The following NUP160 variants were observed in gnomAD, a reference collection of about 807,000 sequenced individuals.
NUP160 encodes the protein nuclear pore complex protein Nup160.
A neutral mutation model predicts 196.9 loss-of-function variants in NUP160; 94 were observed. That is an observed-to-expected ratio of 0.48 (90% CI 0.40 to 0.57). NUP160 has a LOEUF of 0.57. Ranked by LOEUF, NUP160 falls within the 20% of genes least tolerant of loss-of-function variation. NUP160 has a pLI of 0.00. For missense variants in NUP160, 1,638 were observed against 1,748.3 expected, an observed-to-expected ratio of 0.94 and a Z score of 1.13; for synonymous variants, 605 against 619.7, an observed-to-expected ratio of 0.98 and a Z score of 0.35.
At chr11:47,801,813 T>C (rs753360810) in exon 23 of NUP160, 1 of 1,613,928 alleles carries the variant, frequency 6.2e-7, no homozygotes, top group Non-Finnish European at 8.5e-7. Flanking sequence ...TGATGTACCT[T>C]GTCATAATAC....
exon 35 of NUP160, chr11:47,780,432 T>C (rs991006975): frequency 1.9e-6 from 3 of 1,612,382 alleles, no homozygotes; most frequent in East Asian, 2.2e-5. Context: ...ATTGGGGCTG[T>C]TGCGGACAGT....
chr11:47,780,873 T>C (rs564146018), intron 34 of NUP160, among the ~76,000 whole-genome samples: 1 of 152,274 alleles, frequency 6.6e-6, no homozygotes, highest in East Asian at 1.9e-4. Context: ...TGTGTATACA[T>C]GTGCATGCAC....
intron 34 of NUP160, among the ~76,000 whole-genome samples, chr11:47,780,959 G>A (rs2097660412): frequency 6.6e-6 from 1 of 151,794 alleles, no homozygotes; most frequent in South Asian, 2.1e-4. Flanking sequence ...AATTCATGTC[G>A]GCTGGGCCTG....
chr11:47,779,144 A>G, exon 36 of NUP160: 1 of 1,613,832 alleles, frequency 6.2e-7, no homozygotes, highest in Non-Finnish European at 8.5e-7. Flanking sequence ...GTGTTGCCTT[A>G]TCAACTTTTT....
chr11:47,782,234 G>GT (rs2097661296), intron 34 of NUP160, among the ~76,000 whole-genome samples: 1 of 146,440 alleles, frequency 6.8e-6, no homozygotes, highest in South Asian at 2.1e-4. Flanking sequence ...CAGTGAGGGA[G>GT]TAAGTGGAGG....
chr11:47,792,469 A>G (rs2097668430), intron 28 of NUP160: 1 of 260,828 alleles, frequency 3.8e-6, no homozygotes, highest in Admixed American at 5.4e-5. Flanking sequence ...ATACCCAAAC[A>G]ATCCTATAAA....
rs1398192627 is a variant in NUP160, at chr11:47,802,412, C to A, written c.2776-482G>T. ...TGCCACTGCAGTCTAGCCTTCCAGC[C>A]TGGGTGACAGAGCAAGACTGTCTCC... On this transcript the variant is annotated intron_variant, in intron 22 of 35. Transcript: ENST00000378460. 2.0e-5 allele frequency among the ~76,000 whole-genome samples: 3 copies of A among 152,018 alleles called. No individual in the cohort carries two copies. In the East Asian group the frequency reaches 5.8e-4, roughly 29 times the overall value.
At chr11:47,780,289 G>A (rs2097659903) in intron 35 of NUP160, 54 bp downstream of exon 35, 1 of 1,192,334 alleles carries the variant, frequency 8.4e-7, no homozygotes. Flanking sequence ...GCTGTAAGGT[G>A]TAACTGCTAG....
intron 17 of NUP160, among the ~76,000 whole-genome samples, chr11:47,810,021 T>C (rs969786816): frequency 6.6e-6 from 1 of 152,034 alleles, no homozygotes; most frequent in Non-Finnish European, 1.5e-5. Flanking sequence ...GAATATCTTA[T>C]TACTTCTGTG....
intron 32 of NUP160, among the ~76,000 whole-genome samples, chr11:47,785,556 T>C (rs930866485): frequency 6.6e-6 from 1 of 152,254 alleles, no homozygotes; most frequent in African/African-American, 2.4e-5. Flanking sequence ...GTTCGTATAT[T>C]CCTCTCCCAC....
Position 47,830,996 on chromosome 11 carries a change from T to A in NUP160, c.1101+4655A>T, listed in dbSNP as rs889481957. ...CTGGCCAACATGGTGAAACCCCGTC[T>A]CTACAAAAACACAAAAATTAGCCAG... is the stretch of plus-strand genomic sequence containing the variant. On this transcript the variant is annotated intron_variant, in intron 7 of 35. Transcript: ENST00000378460. Among the ~76,000 whole-genome samples the A allele has an allele frequency of 2.0e-5, 3 of 152,198 alleles. No homozygotes were observed. The East Asian group carries it at 5.8e-4, about 29-fold the overall frequency.
intron 7 of NUP160, among the ~76,000 whole-genome samples, chr11:47,831,572 A>G (rs941587209): frequency 6.6e-6 from 1 of 151,798 alleles, no homozygotes; most frequent in Non-Finnish European, 1.5e-5. Flanking sequence ...GGCCAGGTGC[A>G]GTGGCTCACG....
At chr11:47,797,695 C>G (rs1044478554) in intron 27 of NUP160, 84 bp downstream of exon 27, 30 of 912,956 alleles carry the variant, frequency 3.3e-5, no homozygotes, top group Non-Finnish European at 5.2e-5. Flanking sequence ...TAAAAATTAC[C>G]TAAGTCCAAC....
intron 33 of NUP160, among the ~76,000 whole-genome samples, chr11:47,784,062 C>A (rs7105282): frequency 0.28 from 41,958 of 151,232 alleles, 6,785 homozygotes; most frequent in Middle Eastern, 0.38. Flanking sequence ...ACAAAAAAAA[C>A]CAAAAAAAAC....
At chr11:47,826,570 C>T (rs11039417) in intron 7 of NUP160, among the ~76,000 whole-genome samples, 5,394 of 106,930 alleles carry the variant, frequency 0.05, 340 homozygotes, top group African/African-American at 0.14. Context: ...TCCCCCCCCC[C>T]TTTTTTTTTT....
At chr11:47,848,384 GGGGTGGGGC>G (rs748688036) in exon 1 of NUP160, 2 of 1,604,626 alleles carry the variant, frequency 1.2e-6, no homozygotes, top group East Asian at 4.5e-5. Context: ...GTCACTTCCG[GGGGTGGGGC>G]GGGCGGAGCT....
chr11:47,800,272 A>C (rs568604565), intron 23 of NUP160, among the ~76,000 whole-genome samples: 1 of 151,990 alleles, frequency 6.6e-6, no homozygotes, highest in African/African-American at 2.4e-5. Flanking sequence ...AAAGTATAGT[A>C]TATACGATTA....
chr11:47,813,341 T>C (rs146815434), exon 14 of NUP160: 1 of 1,608,034 alleles, frequency 6.2e-7, no homozygotes, highest in Non-Finnish European at 8.5e-7. Context: ...TCTCATCTTC[T>C]GTCAAAAGGT....
intron 17 of NUP160, among the ~76,000 whole-genome samples, chr11:47,808,970 G>A (rs2097679374): frequency 6.6e-6 from 1 of 151,900 alleles, no homozygotes. Flanking sequence ...GCATGGTGGT[G>A]GGCGCCTGTA....
Sources: gnomAD v4.1 joint callset for allele counts (sites outside exome capture counted in the v4.1 genomes callset) on GRCh38, gnomAD v4.1.1 for gene constraint, MANE v1.5 for transcripts, NCBI Gene and HGNC (gene_info 2026-07-23, HGNC 2026-07-21) for gene names.